Variants in ZNF131 observed in about 807,000 individuals in gnomAD.
ZNF131 encodes the protein zinc finger protein 131.
In ZNF131, 7 loss-of-function variants were observed where a neutral mutation model predicts 60.0. That is an observed-to-expected ratio of 0.12 (90% CI 0.07 to 0.22). The LOEUF is 0.22. Ranked by LOEUF, ZNF131 falls within the 10% of genes least tolerant of loss-of-function variation. The pLI is 1.00. For synonymous variants in ZNF131, 257 were observed against 253.2 expected, an observed-to-expected ratio of 1.01 and a Z score of -0.14; for missense variants, 493 against 740.9, an observed-to-expected ratio of 0.67 and a Z score of 3.88.
rs1347901496 is a variant in ZNF131 at position 43,175,124 on chromosome 5, T to C, written c.1863T>C (p.Val621=). 6.2e-7 allele frequency: 1 copy of C among 1,603,956 alleles called. No homozygotes were observed. Among genetic ancestry groups the C allele is most frequent in the African/African-American group, 1.3e-5 (1 of 74,214 alleles). ...ATGAGGACAGAACAGCTCTGCCAGT[T>C]TTAGAATGAAATTACACATGAATAT... is the stretch of plus-strand genomic sequence containing the variant. ...AENEDRTALP[V]LE Residue 621 remains valine (V), a synonymous_variant, in exon 7 of 7, where the codon GTT becomes GTC. Coordinates refer to ENST00000682664, the MANE Select transcript of ZNF131 (RefSeq NM_001330707.2).
rs1751441377 is a variant in ZNF131 at position 43,175,113 on chromosome 5, G to T, written c.1852G>T (p.Ala618Ser). Reference protein sequence around the residue: ...AEKAENEDRTALPVLE With the variant: ...AEKAENEDRTSLPVLE Reference sequence around the variant, plus strand: ...AAAGGCAGAGAATGAGGACAGAACAGCTCTGCCAGTTTTAGAATGAAATTA... The same window carrying T: ...AAAGGCAGAGAATGAGGACAGAACATCTCTGCCAGTTTTAGAATGAAATTA... The change falls in exon 7 of 7, where the codon GCT becomes TCT. Residue 618 changes from alanine (A) to serine (S), a missense_variant. Coordinates refer to ENST00000682664, the MANE Select transcript of ZNF131 (RefSeq NM_001330707.2). The T allele has an allele frequency of 3.1e-6, 5 of 1,602,136 alleles. No homozygotes were observed. The highest frequency in any genetic ancestry group is 4.2e-6 in the Non-Finnish European group (5 of 1,176,558).
At chr5:43,152,230 C>T (rs1019571095) in intron 4 of ZNF131, among the ~76,000 whole-genome samples, 4 of 152,042 alleles carry the variant, frequency 2.6e-5, no homozygotes, top group Admixed American at 1.3e-4. Context: ...CTCGAACTCC[C>T]GACCTCAAGT....
At chr5:43,153,518 G>C (rs1046210412) in intron 4 of ZNF131, among the ~76,000 whole-genome samples, 1 of 147,974 alleles carries the variant, frequency 6.8e-6, no homozygotes, top group African/African-American at 2.5e-5. Context: ...GGTGGCACAT[G>C]CCTGTGATCT....
chr5:43,131,880 T>C (rs1046880274), intron 3 of ZNF131, among the ~76,000 whole-genome samples: 2 of 152,130 alleles, frequency 1.3e-5, no homozygotes, highest in African/African-American at 4.8e-5. Context: ...TGAGAACATG[T>C]ATCTTCAAAC....
intron 3 of ZNF131, among the ~76,000 whole-genome samples, chr5:43,129,226 A>G (rs1486566761): frequency 6.6e-6 from 1 of 152,176 alleles, no homozygotes; most frequent in Non-Finnish European, 1.5e-5. Context: ...ATGAGCCACC[A>G]TGCCCAGCCT....
chr5:43,129,723 C>T (rs148766937), intron 3 of ZNF131, among the ~76,000 whole-genome samples: 13 of 152,190 alleles, frequency 8.5e-5, no homozygotes, highest in East Asian at 3.9e-4. Context: ...GGCACAATCT[C>T]GGCTCACTAC....
chr5:43,131,255 C>G (rs1745315737), intron 3 of ZNF131, among the ~76,000 whole-genome samples: 1 of 152,092 alleles, frequency 6.6e-6, no homozygotes, highest in East Asian at 1.9e-4. Context: ...TCACTGCAAC[C>G]TCTACCTCGC....
intron 4 of ZNF131, among the ~76,000 whole-genome samples, chr5:43,144,387 C>T (rs1747317128): frequency 6.6e-6 from 1 of 151,720 alleles, no homozygotes; most frequent in Admixed American, 6.6e-5. Context: ...CACCACCACG[C>T]CCAACTAATT....
rs2112093606 is a variant in ZNF131, at chr5:43,123,240, G to A, written c.156G>A (p.Leu52=). The A allele has an allele frequency of 6.2e-7, 1 of 1,609,930 alleles. No individual in the cohort carries two copies. The highest frequency in any genetic ancestry group is 2.2e-5 in the East Asian group (1 of 44,630). Residue 52 remains leucine (L), a synonymous_variant, in exon 3 of 7, where the codon TTG becomes TTA. Coordinates refer to ENST00000682664, the MANE Select transcript of ZNF131 (RefSeq NM_001330707.2). ...GHHFKAHKAV[L]AACSKFFYKF... ...ATTTTAAGGCTCACAAGGCTGTTTTGGCTGCTTGTAGTAAGTTCTTCTACA... is the reference window on the plus strand; with the variant it reads ...ATTTTAAGGCTCACAAGGCTGTTTTAGCTGCTTGTAGTAAGTTCTTCTACA...
intron 4 of ZNF131, among the ~76,000 whole-genome samples, chr5:43,152,203 A>G (rs1398473560): frequency 2.0e-5 from 3 of 152,172 alleles, no homozygotes; most frequent in East Asian, 3.9e-4. Flanking sequence ...GAGTTTCACC[A>G]CGTTGGCCAG....
chr5:43,141,398 T>G (rs1746803960), intron 4 of ZNF131, among the ~76,000 whole-genome samples: 1 of 152,096 alleles, frequency 6.6e-6, no homozygotes, highest in Non-Finnish European at 1.5e-5. Flanking sequence ...AATGAGAGCC[T>G]TCCAAAAGAA....
At chr5:43,160,369 A>G (rs1749530633) in intron 4 of ZNF131, among the ~76,000 whole-genome samples, 1 of 150,788 alleles carries the variant, frequency 6.6e-6, no homozygotes, top group Non-Finnish European at 1.5e-5. Context: ...GTGTGATGGC[A>G]CGCATCTATA....
intron 5 of ZNF131, among the ~76,000 whole-genome samples, chr5:43,171,200 G>T (rs1217086498): frequency 6.6e-6 from 1 of 151,604 alleles, no homozygotes; most frequent in Non-Finnish European, 1.5e-5. Context: ...CACCCGCCTC[G>T]GTCTCCCAAA....
intron 3 of ZNF131, among the ~76,000 whole-genome samples, chr5:43,130,511 G>A (rs1380399668): frequency 1.3e-5 from 2 of 152,080 alleles, no homozygotes; most frequent in South Asian, 2.1e-4. Flanking sequence ...TGTTAAATGA[G>A]AAAAGTTTTG....
At chr5:43,166,256 A>C (rs907964373) in intron 5 of ZNF131, among the ~76,000 whole-genome samples, 3 of 152,188 alleles carry the variant, frequency 2.0e-5, no homozygotes, top group Non-Finnish European at 1.5e-5. Flanking sequence ...CAACTTAACT[A>C]CCTGGCATAG....
At chr5:43,151,600 A>G (rs949585002) in intron 4 of ZNF131, among the ~76,000 whole-genome samples, 2 of 151,972 alleles carry the variant, frequency 1.3e-5, no homozygotes, top group African/African-American at 4.8e-5. Flanking sequence ...TCACCCTGCT[A>G]ATTTTTGTAT....
chr5:43,121,999 C>T lies in ZNF131; in HGVS notation c.-15-40C>T, dbSNP rs111680043. 2,174 of 1,585,952 alleles carry T rather than the reference C, an allele frequency of 1.4e-3. 29 individuals are homozygous for T. The African/African-American group carries it at 0.027, about 20-fold the overall frequency. On this transcript the variant is annotated intron_variant, in intron 1 of 6. Coordinates refer to ENST00000682664, the MANE Select transcript of ZNF131 (RefSeq NM_001330707.2). The stretch of plus-strand genomic sequence containing the variant: ...GCTTTAGGGGTTTTGTTCCTCGGCT[C>T]GAGCTCATGGGTGTACATTATCATG...
intron 4 of ZNF131, chr5:43,143,326 C>G: frequency 7.9e-7 from 1 of 1,267,080 alleles, no homozygotes; most frequent in Middle Eastern, 3.2e-4. Flanking sequence ...CGGCCTCAAG[C>G]TTTTATTTAA....
chr5:43,154,603 G>T (rs886357710), intron 4 of ZNF131, among the ~76,000 whole-genome samples: 10 of 122,226 alleles, frequency 8.2e-5, no homozygotes, highest in Admixed American at 5.9e-4. Flanking sequence ...CGTAACAGTG[G>T]CAGACTTCTG....
Sources: gnomAD v4.1 joint callset for allele counts (sites outside exome capture counted in the v4.1 genomes callset) on GRCh38, gnomAD v4.1.1 for gene constraint, MANE v1.5 for transcripts, NCBI Gene and HGNC (gene_info 2026-07-23, HGNC 2026-07-21) for gene names.